Variants in ERCC5 observed in about 807,000 individuals in gnomAD.
The protein encoded by ERCC5 is ERCC excision repair 5, endonuclease, also known as DNA excision repair protein ERCC-5.
A neutral mutation model predicts 105.6 loss-of-function variants in ERCC5; 68 were observed. The observed-to-expected ratio is 0.64, with a 90% CI of 0.53 to 0.79. The LOEUF (loss-of-function observed/expected upper bound fraction) is 0.79, where lower values mean the gene tolerates loss of function less well. ERCC5 is among the 30% of genes least tolerant of loss of function. ERCC5 has a pLI of 0.00. For synonymous variants in ERCC5, 546 were observed against 526.2 expected (o/e 1.04, Z -0.51); for missense variants, 1,373 against 1,426.7 (o/e 0.96, Z 0.61).
rs951450255 is a variant in ERCC5, at chr13:102,865,101, C to G, written c.1955-566C>G. On this transcript the variant is annotated intron_variant, in intron 8 of 14. Transcript: ENST00000652225. The surrounding 1 kb of genome is among the most constrained non-coding windows in gnomAD (Gnocchi z 4.0). The stretch of plus-strand genomic sequence containing the variant: ...CCAGCTCCCAGTCCCTGAGAGCCCC[C>G]TCCTCTGTTCTGATTGTCTCCTTAA... 6.2e-6 allele frequency: 1 copy of G among 160,714 alleles called. No homozygotes were observed. The highest frequency in any genetic ancestry group is 2.4e-5 in the African/African-American group (1 of 41,480). 10.0% of individuals were successfully genotyped at this position (160,714 alleles called of 1,614,324 possible). A position where few individuals can be genotyped will look rare whatever the true frequency, so the allele number is the denominator to read the frequency against.
At chr13:102,873,388 G>A in intron 14 of ERCC5, 45 bp downstream of exon 14, 1 of 1,610,496 alleles carries the variant, frequency 6.2e-7, no homozygotes. Context: ...TGAAGGGTAG[G>A]CTGTGGTTGA....
intron 6 of ERCC5, among the ~76,000 whole-genome samples, chr13:102,861,211 A>G (rs575255579): frequency 6.6e-6 from 1 of 151,748 alleles, no homozygotes; most frequent in East Asian, 1.9e-4. Context: ...CTGGTCTCGA[A>G]CTCCTGACCT....
chr13:102,852,042 A>G, intron 1 of ERCC5, 76 bp from the exon 2 acceptor site: 2 of 1,505,326 alleles, frequency 1.3e-6, no homozygotes, highest in Admixed American at 1.7e-5. Context: ...TTTGGATAAT[A>G]TCAGTTATTA....
rs1882628993 is a variant in ERCC5 at position 102,861,781 on chromosome 13, A to G, written c.880+67A>G. The G allele has an allele frequency of 7.7e-6, 12 of 1,568,382 alleles. No homozygotes were observed. The South Asian group carries it at 1.1e-4, about 15-fold the overall frequency. ...AAGATATATCATGACTCTGAATTCT[A>G]TAAACTAGCACCCCTGGATAATATT... On this transcript the variant is annotated intron_variant, in intron 7 of 14. Transcript: ENST00000652225.
intron 1 of ERCC5, chr13:102,849,381 T>C (rs770156246): frequency 3.9e-6 from 2 of 519,060 alleles, no homozygotes; most frequent in South Asian, 2.8e-5. Context: ...CCTTTTGTCC[T>C]GCTGCACTGG....
intron 7 of ERCC5, 103 bp downstream of exon 7, chr13:102,861,817 T>G (rs1882630184): frequency 1.4e-6 from 2 of 1,445,490 alleles, no homozygotes; most frequent in African/African-American, 1.4e-5. Flanking sequence ...AATGAAATTC[T>G]ATTTATGTAA....
Position 102,866,890 on chromosome 13 carries a change from C to T in ERCC5, c.2533+45C>T, listed in dbSNP as rs1016052544. 11 of 1,558,540 alleles carry T rather than the reference C, an allele frequency of 7.1e-6. No individual in the cohort carries two copies. In the African/African-American group the frequency reaches 1.5e-4, roughly 21 times the overall value. On this transcript the variant is annotated intron_variant, in intron 11 of 14. Coordinates refer to ENST00000652225, the MANE Select transcript of ERCC5 (RefSeq NM_000123.4). ...TTGATTACTTTCTGACATTTACCTTCAGAGTTTGTCCTAGGAAGTTTTCTT... is the reference window on the plus strand; with the variant it reads ...TTGATTACTTTCTGACATTTACCTTTAGAGTTTGTCCTAGGAAGTTTTCTT...
intron 14 of ERCC5, among the ~76,000 whole-genome samples, chr13:102,874,112 A>G (rs1342785761): frequency 1.3e-5 from 2 of 152,144 alleles, no homozygotes; most frequent in South Asian, 2.1e-4. Context: ...AAGGAAAGCT[A>G]TTTGTCTTAG....
intron 14 of ERCC5, chr13:102,875,002 A>G (rs1883162507): frequency 6.8e-6 from 2 of 294,162 alleles, no homozygotes; most frequent in Non-Finnish European, 1.3e-5. Context: ...AGGAAGATGA[A>G]ATGTTTAGCT....
intron 8 of ERCC5, among the ~76,000 whole-genome samples, chr13:102,863,642 C>T (rs4150324): frequency 0.29 from 44,072 of 152,000 alleles, 7,231 homozygotes; most frequent in Non-Finnish European, 0.37. Context: ...CAGTACTCAC[C>T]GCAATGTCTT....
At chr13:102,874,568 C>A (rs564346419) in intron 14 of ERCC5, among the ~76,000 whole-genome samples, 4 of 152,298 alleles carry the variant, frequency 2.6e-5, no homozygotes, top group East Asian at 3.9e-4. Context: ...GTCTCCCAGG[C>A]TGGAGTGCAG....
At chr13:102,864,963 ATCC>A (rs1189783509) in intron 8 of ERCC5, 1 of 152,744 alleles carries the variant, frequency 6.5e-6, no homozygotes, top group Admixed American at 6.5e-5. Flanking sequence ...TGCTCCCCTT[ATCC>A]TCAATACATT....
chr13:102,864,683 G>A (rs867669914), intron 8 of ERCC5: 1 of 152,156 alleles, frequency 6.6e-6, no homozygotes, highest in Non-Finnish European at 1.5e-5. Context: ...TCACCAGGGA[G>A]CTCTGGTTCC....
At chr13:102,864,059 C>G (rs1320428722) in intron 8 of ERCC5, among the ~76,000 whole-genome samples, 1 of 151,094 alleles carries the variant, frequency 6.6e-6, no homozygotes, top group Non-Finnish European at 1.5e-5. Flanking sequence ...AGCAATGACT[C>G]GGTATTGGCT....
At chr13:102,871,666 G>GTT (rs1883038071) in intron 12 of ERCC5, among the ~76,000 whole-genome samples, 1 of 151,682 alleles carries the variant, frequency 6.6e-6, no homozygotes, top group Non-Finnish European at 1.5e-5. Context: ...ACATGTATCT[G>GTT]TTTTTACAGA....
chr13:102,857,551 A>G (rs542993260), intron 5 of ERCC5, among the ~76,000 whole-genome samples: 1 of 152,316 alleles, frequency 6.6e-6, no homozygotes, highest in South Asian at 2.1e-4. Flanking sequence ...TTTTTTACTA[A>G]TGAAGGATTT....
Position 102,866,354 on chromosome 13 carries a change from C to A in ERCC5, c.2292C>A (p.Val764=). The A allele has an allele frequency of 6.2e-7, 1 of 1,614,172 alleles. No homozygotes were observed. Among genetic ancestry groups the A allele is most frequent in the South Asian group, 1.1e-5 (1 of 91,082 alleles). Residue 764 remains valine (V), a synonymous_variant, in exon 10 of 15, where the codon GTC becomes GTA. Transcript: ENST00000652225. ...AGCAAGAACGGATCGCTGCTACTGT[C>A]ACCGGACAGATGTTCCTGGAAAGCC... The part of the protein sequence containing the change: ...KQQQERIAAT[V]TGQMFLESQE...
chr13:102,868,298 T>A (rs757065548), intron 12 of ERCC5, 41 bp downstream of exon 12: 2 of 1,612,892 alleles, frequency 1.2e-6, no homozygotes, highest in South Asian at 2.2e-5. Context: ...ATTGTGTAAA[T>A]ACCCAAATAA....
intron 5 of ERCC5, among the ~76,000 whole-genome samples, chr13:102,857,362 T>C (rs952558397): frequency 3.0e-4 from 45 of 151,406 alleles, no homozygotes; most frequent in African/African-American, 1.1e-3. Context: ...CAAGGCTTTA[T>C]TTTTTTTTGT....
Sources: allele counts gnomAD v4.1 joint callset (sites outside exome capture counted in the v4.1 genomes callset), GRCh38; gene constraint gnomAD v4.1.1; non-coding constraint Gnocchi (gnomAD v3.1); transcripts MANE v1.5; gene names NCBI Gene and HGNC (gene_info 2026-07-23, HGNC 2026-07-21).